Variants in ATP6V0D2 observed in about 807,000 individuals in gnomAD.
ATP6V0D2 encodes the protein V-type proton ATPase subunit d 2.
In ATP6V0D2, 40 loss-of-function variants were observed where a neutral mutation model predicts 40.0. The ratio of observed to expected loss-of-function variants is 1.00; its 90% CI spans 0.78 to 1.30. ATP6V0D2 has a LOEUF of 1.30. Ranked by LOEUF, ATP6V0D2 falls within the 50% of genes most tolerant of loss-of-function variation. The pLI is 0.00. For missense variants in ATP6V0D2, 470 were observed against 423.1 expected (o/e 1.11, Z -0.97); for synonymous variants, 179 against 156.3 (o/e 1.15, Z -1.08).
chr8:86,120,829 G>A (rs190975627), intron 2 of ATP6V0D2, among the ~76,000 whole-genome samples: 1 of 152,276 alleles, frequency 6.6e-6, no homozygotes, highest in East Asian at 1.9e-4. Context: ...AGGTCTATCA[G>A]TCTAGCAAGA....
At chr8:86,141,970 G>A (rs774697407) in intron 4 of ATP6V0D2, among the ~76,000 whole-genome samples, 3 of 152,154 alleles carry the variant, frequency 2.0e-5, no homozygotes, top group Non-Finnish European at 4.4e-5. Flanking sequence ...ACAGTGTGCA[G>A]CATACCAGAA....
At position 86,099,010 on chromosome 8, in the gene ATP6V0D2, T is replaced by C. The variant is rs758050571; in HGVS notation, c.32T>C (p.Val11Ala). 1.1e-5 allele frequency: 17 copies of C among 1,614,106 alleles called. No individual in the cohort carries two copies. In the Admixed American group the frequency reaches 2.3e-4, roughly 22 times the overall value. The change falls in exon 1 of 8, where the codon GTG becomes GCG. Residue 11 changes from valine (V) to alanine (A), a missense_variant. Transcript: ENST00000285393. MLEGAELYFN[V>A]DHGYLEGLVR... ...GAAGGTGCGGAGCTGTACTTCAACG[T>C]GGACCATGGCTACCTGGAGGGCCTG...
At chr8:86,127,448 C>T (rs1014386136) in intron 2 of ATP6V0D2, among the ~76,000 whole-genome samples, 4 of 150,762 alleles carry the variant, frequency 2.7e-5, no homozygotes, top group African/African-American at 9.9e-5. Flanking sequence ...AACAATGACC[C>T]CTGAAATGCT....
chr8:86,119,874 C>T (rs1195440451), intron 2 of ATP6V0D2, among the ~76,000 whole-genome samples: 1 of 152,114 alleles, frequency 6.6e-6, no homozygotes. Flanking sequence ...TCTGGACTCC[C>T]TATTACCTAA....
chr8:86,137,445 C>G (rs913422366), intron 2 of ATP6V0D2, among the ~76,000 whole-genome samples: 2 of 152,162 alleles, frequency 1.3e-5, no homozygotes, highest in Non-Finnish European at 2.9e-5. Context: ...TACATGCACT[C>G]TACGATGTGA....
At chr8:86,101,462 GAAAA>G (rs59915079) in intron 1 of ATP6V0D2, among the ~76,000 whole-genome samples, 117 of 78,194 alleles carry the variant, frequency 1.5e-3, no homozygotes, top group Admixed American at 3.3e-3. Flanking sequence ...CCTGTCTCAG[GAAAA>G]AAAAAAAAAA....
intron 1 of ATP6V0D2, among the ~76,000 whole-genome samples, chr8:86,108,436 C>T (rs540245840): frequency 2.0e-5 from 3 of 152,224 alleles, no homozygotes; most frequent in Non-Finnish European, 4.4e-5. Context: ...GCCACTGTAC[C>T]AGACAACCTT....
chr8:86,112,892 G>A (rs1351400042), intron 1 of ATP6V0D2, among the ~76,000 whole-genome samples: 1 of 152,150 alleles, frequency 6.6e-6, no homozygotes, highest in Non-Finnish European at 1.5e-5. Context: ...AGTCTCATTA[G>A]ATAACTCCAC....
chr8:86,111,446 A>G lies in ATP6V0D2; in HGVS notation c.131-2263A>G, dbSNP rs141696801. On this transcript the variant is annotated intron_variant, in intron 1 of 7. Transcript: ENST00000285393. ...CTTTTTGAAGGCCGAGCAGTATCCT[A>G]TGGTATATTTATACCACCTTTCCTT... is the stretch of plus-strand genomic sequence containing the variant. Among the ~76,000 whole-genome samples the G allele has an allele frequency of 2.0e-3, 297 of 152,238 alleles. 1 individual carries two copies. The highest frequency in any genetic ancestry group is 6.6e-3 in the African/African-American group (275 of 41,542).
intron 1 of ATP6V0D2, among the ~76,000 whole-genome samples, chr8:86,104,289 C>T (rs186289453): frequency 1.9e-3 from 285 of 152,270 alleles, no homozygotes; most frequent in African/African-American, 6.2e-3. Context: ...ATCCTCCCAC[C>T]TTGGCCTTCT....
chr8:86,114,969 C>T (rs1463768137), intron 2 of ATP6V0D2, among the ~76,000 whole-genome samples: 1 of 152,138 alleles, frequency 6.6e-6, no homozygotes, highest in East Asian at 1.9e-4. Context: ...TGAAAAAATG[C>T]TGCATAGTAT....
intron 2 of ATP6V0D2, among the ~76,000 whole-genome samples, chr8:86,131,545 G>A (rs1470912926): frequency 3.3e-5 from 5 of 151,802 alleles, no homozygotes; most frequent in Non-Finnish European, 7.4e-5. Context: ...TTGTTGCCCA[G>A]GCTGGAGTGC....
chr8:86,136,384 C>T (rs961464029), intron 2 of ATP6V0D2, among the ~76,000 whole-genome samples: 7 of 152,150 alleles, frequency 4.6e-5, no homozygotes, highest in Non-Finnish European at 8.8e-5. Context: ...GGAATGTTCG[C>T]AGCTCAGATG....
chr8:86,150,224 G>T lies in ATP6V0D2; in HGVS notation c.752G>T (p.Gly251Val). The T allele has an allele frequency of 1.2e-6, 2 of 1,613,174 alleles. No individual in the cohort carries two copies. Among genetic ancestry groups the T allele is most frequent in the Non-Finnish European group, 1.7e-6 (2 of 1,179,872 alleles). ...ACCTTCGGCAAACTCTATCCTGAGG[G>T]GTTGCGGCTGTTGGCTCAAGCAGAA... ...YPTFGKLYPE[G>V]LRLLAQAEDF... The change falls in exon 6 of 8, where the codon GGG becomes GTG. Residue 251 changes from glycine to valine, a missense_variant. Transcript: ENST00000285393.
At chr8:86,150,362 A>G (rs1338366236) in intron 6 of ATP6V0D2, 74 bp downstream of exon 6, 10 of 1,412,518 alleles carry the variant, frequency 7.1e-6, no homozygotes, top group Non-Finnish European at 9.7e-7. Context: ...CTCACACATC[A>G]AATTTCCGCT....
chr8:86,141,350 T>C, intron 3 of ATP6V0D2, 100 bp from the exon 4 acceptor site: 2 of 769,080 alleles, frequency 2.6e-6, no homozygotes, highest in African/African-American at 1.7e-5. Context: ...GCAGTGTTCT[T>C]GTCAGGAGTG....
chr8:86,113,945 C>T, intron 2 of ATP6V0D2, 65 bp downstream of exon 2: 2 of 1,448,602 alleles, frequency 1.4e-6, no homozygotes, highest in Admixed American at 2.2e-5. Context: ...CTAACAATTA[C>T]AGGGTGGGTA....
At chr8:86,114,956 C>G (rs1273658501) in intron 2 of ATP6V0D2, among the ~76,000 whole-genome samples, 1 of 151,994 alleles carries the variant, frequency 6.6e-6, no homozygotes, top group African/African-American at 2.4e-5. Context: ...AAGAAAATAT[C>G]AATGAAAAAA....
chr8:86,111,747 C>T (rs541377440), intron 1 of ATP6V0D2, among the ~76,000 whole-genome samples: 10 of 152,288 alleles, frequency 6.6e-5, no homozygotes, highest in Admixed American at 1.3e-4. Context: ...TGTTCTTAAT[C>T]TTTCTCCCCT....
Sources: allele counts gnomAD v4.1 joint callset (sites outside exome capture counted in the v4.1 genomes callset), GRCh38; gene constraint gnomAD v4.1.1; transcripts MANE v1.5; gene names NCBI Gene and HGNC (gene_info 2026-07-23, HGNC 2026-07-21).